Variants in LYRM4 observed in about 807,000 individuals in gnomAD.
The protein encoded by LYRM4 is LYR motif containing 4.
In LYRM4, 9 loss-of-function variants were observed where a neutral mutation model predicts 11.7. The ratio of observed to expected loss-of-function variants is 0.77; its 90% CI spans 0.46 to 1.34. The LOEUF is 1.34. LYRM4 is among the 40% of genes most tolerant of loss of function. The pLI, the probability that LYRM4 is intolerant of heterozygous loss-of-function variation, is 0.00. For missense variants in LYRM4, 133 were observed against 112.5 expected, an observed-to-expected ratio of 1.18 and a Z score of -0.82; for synonymous variants, 42 against 40.4, an observed-to-expected ratio of 1.04 and a Z score of -0.15.
At chr6:5,086,511 C>CGCGGGCGCCAACTACACGCTGCGCT in the LYRM4 span, 1 of 1,534,994 alleles carries the variant, frequency 6.5e-7, no homozygotes, top group Non-Finnish European at 8.7e-7. Context: ...GGGACAACAA[C>CGCGGGCGCCAACTACACGCTGCGCT]GCGGGCGCCA....
At chr6:5,251,840 T>C (rs1764444057) in intron 1 of LYRM4, among the ~76,000 whole-genome samples, 1 of 152,222 alleles carries the variant, frequency 6.6e-6, no homozygotes, top group Non-Finnish European at 1.5e-5. Flanking sequence ...AAAGAAATCC[T>C]TTGATGAGTG....
At chr6:5,079,099 A>C in the LYRM4 span, among the ~76,000 whole-genome samples, 1 of 152,192 alleles carries the variant, frequency 6.6e-6, no homozygotes, top group Non-Finnish European at 1.5e-5. Context: ...GAATATTTCT[A>C]TGTGTACACA....
chr6:5,066,719 T>C, the LYRM4 span: 2 of 828,020 alleles, frequency 2.4e-6, no homozygotes, highest in Admixed American at 2.0e-5. Flanking sequence ...GTTTTCTCCA[T>C]ACGATTTGCG....
At chr6:5,244,027 T>C (rs1055644345) in intron 1 of LYRM4, among the ~76,000 whole-genome samples, 1 of 152,246 alleles carries the variant, frequency 6.6e-6, no homozygotes. Flanking sequence ...TCTTGTTTCC[T>C]GAATTTAGTC....
chr6:5,159,243 A>C (rs530154300), intron 2 of LYRM4, among the ~76,000 whole-genome samples: 1 of 152,312 alleles, frequency 6.6e-6, no homozygotes, highest in Non-Finnish European at 1.5e-5. Flanking sequence ...TGTCATCCCC[A>C]CTCAGGAGAA....
intron 2 of LYRM4, among the ~76,000 whole-genome samples, chr6:5,123,007 T>C (rs1763530058): frequency 6.6e-6 from 1 of 152,130 alleles, no homozygotes; most frequent in Admixed American, 6.6e-5. Flanking sequence ...TTGGGAGCCT[T>C]CCAGGAATGA....
At chr6:5,131,240 G>A (rs77157838) in intron 2 of LYRM4, among the ~76,000 whole-genome samples, 3,750 of 152,248 alleles carry the variant, frequency 0.025, 165 homozygotes, top group African/African-American at 0.085. Context: ...AGACTGTAGC[G>A]AAGTATATAA....
At chr6:5,086,043 G>C in the LYRM4 span, 1 of 1,484,438 alleles carries the variant, frequency 6.7e-7, no homozygotes, top group African/African-American at 1.5e-5. Flanking sequence ...CGGCGGCAGT[G>C]GCCGCGCCCC....
intron 1 of LYRM4, among the ~76,000 whole-genome samples, chr6:5,242,351 C>T (rs565875355): frequency 5.3e-5 from 8 of 150,794 alleles, no homozygotes; most frequent in African/African-American, 2.0e-4. Flanking sequence ...GGATTACAGG[C>T]GTGAGCCACT....
chr6:5,088,599 TA>T, the LYRM4 span: 1 of 152,214 alleles, frequency 6.6e-6, no homozygotes, highest in South Asian at 2.1e-4. Context: ...TGGCAAAGTG[TA>T]AAATATTTAC....
intron 2 of LYRM4, among the ~76,000 whole-genome samples, chr6:5,172,953 G>C (rs1020721463): frequency 6.6e-6 from 1 of 152,164 alleles, no homozygotes; most frequent in Non-Finnish European, 1.5e-5. Flanking sequence ...TCAAGCTGAA[G>C]AGCAGCTTCT....
the LYRM4 span, among the ~76,000 whole-genome samples, chr6:5,072,184 C>T: frequency 1.3e-5 from 2 of 152,152 alleles, no homozygotes; most frequent in Non-Finnish European, 2.9e-5. Flanking sequence ...GCAGAGTATT[C>T]CTTGGTGTAT....
chr6:5,175,438 G>T (rs1441734869), intron 2 of LYRM4, among the ~76,000 whole-genome samples: 1 of 152,110 alleles, frequency 6.6e-6, no homozygotes, highest in African/African-American at 2.4e-5. Flanking sequence ...TCGACCTGTG[G>T]ATTCAAGAGG....
chr6:5,215,032 G>C (rs1478560419), intron 2 of LYRM4, among the ~76,000 whole-genome samples: 5 of 140,136 alleles, frequency 3.6e-5, no homozygotes, highest in African/African-American at 1.3e-4. Flanking sequence ...ATGAGGGCCA[G>C]TTTAGTATTT....
At chr6:5,165,645 T>A (rs1256956033) in intron 2 of LYRM4, among the ~76,000 whole-genome samples, 1 of 151,880 alleles carries the variant, frequency 6.6e-6, no homozygotes, top group East Asian at 1.9e-4. Context: ...CAGGTTCAAA[T>A]GATTCTCCTG....
rs1210002520 is a variant in LYRM4 at position 5,260,692 on chromosome 6, C to T, written c.42G>A (p.Arg14=). 6.4e-7 allele frequency: 1 copy of T among 1,555,156 alleles called. No individual in the cohort carries two copies. Among genetic ancestry groups the T allele is most frequent in the Admixed American group, 1.9e-5 (1 of 52,186 alleles). The change falls in exon 1 of 3, where the codon CGG becomes CGA. Residue 14 remains arginine, a synonymous_variant. Coordinates refer to ENST00000330636, the MANE Select transcript of LYRM4 (RefSeq NM_020408.6). ...SSRAQVLSLY[R]AMLRESKRFS... ...AACGCTTGCTCTCTCTCAGCATCGC[C>T]CGGTACAGAGATAACACTTGTGCGC...
the LYRM4 span, among the ~76,000 whole-genome samples, chr6:5,046,742 A>AC: frequency 6.6e-6 from 1 of 152,094 alleles, no homozygotes; most frequent in Non-Finnish European, 1.5e-5. Context: ...GTTTCTAATG[A>AC]CCTAGTCTGA....
chr6:5,223,026 T>TA (rs1762677063), intron 1 of LYRM4, among the ~76,000 whole-genome samples: 1 of 152,150 alleles, frequency 6.6e-6, no homozygotes, highest in Non-Finnish European at 1.5e-5. Context: ...GAAGTGATTA[T>TA]AAAAAATTGA....
intron 2 of LYRM4, among the ~76,000 whole-genome samples, chr6:5,168,671 G>C (rs892716681): frequency 6.6e-6 from 1 of 152,166 alleles, no homozygotes. Context: ...GGCAGGGAAG[G>C]GCTTGGTGGG....
Sources: allele counts gnomAD v4.1 joint callset (sites outside exome capture counted in the v4.1 genomes callset), GRCh38; gene constraint gnomAD v4.1.1; transcripts MANE v1.5; gene names NCBI Gene and HGNC (gene_info 2026-07-23, HGNC 2026-07-21).